Variants in UNC5C observed in about 807,000 individuals in gnomAD.
The protein encoded by UNC5C is unc-5 netrin receptor C.
Under a neutral mutation model 99.8 loss-of-function variants are expected in UNC5C, and 47 were observed. The observed-to-expected ratio is 0.47, with a 90% CI of 0.37 to 0.60. The LOEUF (loss-of-function observed/expected upper bound fraction) is 0.60. Ranked by LOEUF, UNC5C falls within the 20% of genes least tolerant of loss-of-function variation. The pLI is 0.00. For synonymous variants in UNC5C, 487 were observed against 452.2 expected (o/e 1.08, Z -0.98); for missense variants, 1,062 against 1,165.9 (o/e 0.91, Z 1.30).
chr4:95,236,789 T>A (rs937049189), intron 7 of UNC5C, among the ~76,000 whole-genome samples: 1 of 152,174 alleles, frequency 6.6e-6, no homozygotes, highest in Non-Finnish European at 1.5e-5. Flanking sequence ...TTAGCGGACA[T>A]CATAAATGAT....
intron 1 of UNC5C, among the ~76,000 whole-genome samples, chr4:95,486,854 C>A (rs923757689): frequency 6.6e-6 from 1 of 151,570 alleles, no homozygotes; most frequent in Non-Finnish European, 1.5e-5. Flanking sequence ...CACCAAAAAA[C>A]CATTTGCTGG....
chr4:95,269,365 T>G (rs1450548830), intron 4 of UNC5C, among the ~76,000 whole-genome samples: 1 of 152,150 alleles, frequency 6.6e-6, no homozygotes, highest in Admixed American at 6.6e-5. Context: ...GACGGCTCAC[T>G]GCAGCTGTGG....
At chr4:95,209,192 A>C (rs1368171923) in intron 10 of UNC5C, among the ~76,000 whole-genome samples, 1 of 152,202 alleles carries the variant, frequency 6.6e-6, no homozygotes, top group Non-Finnish European at 1.5e-5. Context: ...GGCTCACAAA[A>C]TTGGCACAAA....
rs1275203995 is a variant in UNC5C, at chr4:95,234,126, T to G, written c.1108+8303A>C. Among the ~76,000 whole-genome samples, 3 of 152,290 alleles carry G rather than the reference T, an allele frequency of 2.0e-5. No individual in the cohort carries two copies. The East Asian group carries it at 5.8e-4, about 29-fold the overall frequency. On this transcript the variant is annotated intron_variant, in intron 7 of 15. Transcript: ENST00000453304. ...CTGTTCTCTGTGTCTCTCTCTCTTG[T>G]CATAACCATTTAATGTAAAGCCTAT...
intron 1 of UNC5C, among the ~76,000 whole-genome samples, chr4:95,460,761 C>A (rs1383919378): frequency 6.6e-6 from 1 of 152,146 alleles, no homozygotes; most frequent in Non-Finnish European, 1.5e-5. Flanking sequence ...TGTTTATGAA[C>A]CTTAATTATG....
chr4:95,250,035 C>A (rs1032140804), intron 5 of UNC5C, among the ~76,000 whole-genome samples: 1 of 152,050 alleles, frequency 6.6e-6, no homozygotes, highest in Non-Finnish European at 1.5e-5. Flanking sequence ...CTTGGTGGTG[C>A]AGGTTCTGGA....
intron 2 of UNC5C, among the ~76,000 whole-genome samples, chr4:95,312,209 C>T (rs1283284533): frequency 6.6e-6 from 1 of 152,130 alleles, no homozygotes; most frequent in African/African-American, 2.4e-5. Flanking sequence ...ATGATAGTTT[C>T]TTAGGTGGCC....
intron 1 of UNC5C, among the ~76,000 whole-genome samples, chr4:95,479,899 G>T (rs1721083803): frequency 6.6e-6 from 1 of 151,798 alleles, no homozygotes; most frequent in Admixed American, 6.6e-5. Flanking sequence ...CATAGAGAAC[G>T]GGCCTCATCT....
At chr4:95,221,348 G>A (rs1280288453) in intron 7 of UNC5C, among the ~76,000 whole-genome samples, 2 of 152,164 alleles carry the variant, frequency 1.3e-5, no homozygotes, top group East Asian at 1.9e-4. Context: ...TTTTCAGGGA[G>A]AGAGAACTTT....
chr4:95,202,711 G>C lies in UNC5C; in HGVS notation c.2136+20C>G, dbSNP rs763905397. The C allele has an allele frequency of 6.2e-7, 1 of 1,610,618 alleles. No homozygotes were observed. The highest frequency in any genetic ancestry group is 1.7e-5 in the Admixed American group (1 of 59,720). ...TTCCAGGTGGAGGTGAAGAGGGCAG[G>C]CTAGGTGGGAGGCACTTACCTTCAG... is the stretch of plus-strand genomic sequence containing the variant. On this transcript the variant is annotated intron_variant, in intron 12 of 15. Transcript: ENST00000453304.
Position 95,390,391 on chromosome 4 carries a change from C to CAAAA in UNC5C, c.125-54764_125-54761dup, listed in dbSNP as rs35804362. On this transcript the variant is annotated intron_variant, in intron 1 of 15. Coordinates refer to ENST00000453304, the MANE Select transcript of UNC5C (RefSeq NM_003728.4). ...TTTTCATTCTTGGCTTCCACATTTC[C>CAAAA]AAAAAAAAAAAGACACAACAATACA... is the stretch of plus-strand genomic sequence containing the variant. Among the ~76,000 whole-genome samples the CAAAA allele has an allele frequency of 3.8e-3, 561 of 147,280 alleles. 7 individuals are homozygous for CAAAA. Among genetic ancestry groups the CAAAA allele is most frequent in the East Asian group, 0.036 (181 of 5,066 alleles).
At chr4:95,206,864 C>T in intron 10 of UNC5C, 68 bp from the exon 11 acceptor site, 37 of 1,223,214 alleles carry the variant, frequency 3.0e-5, no homozygotes, top group South Asian at 1.4e-4. Context: ...CACTTGGGTT[C>T]TGAAGGCAAA....
At chr4:95,366,310 A>G (rs1022598144) in intron 1 of UNC5C, among the ~76,000 whole-genome samples, 1 of 152,184 alleles carries the variant, frequency 6.6e-6, no homozygotes, top group African/African-American at 2.4e-5. Flanking sequence ...AAAATAAAAT[A>G]AAGTAAATAA....
chr4:95,483,353 TCTC>T (rs945119127), intron 1 of UNC5C, among the ~76,000 whole-genome samples: 1 of 151,776 alleles, frequency 6.6e-6, no homozygotes, highest in African/African-American at 2.4e-5. Flanking sequence ...TTTAACTCTT[TCTC>T]TTTATTTTGT....
At chr4:95,434,825 A>T (rs1388061659) in intron 1 of UNC5C, among the ~76,000 whole-genome samples, 1 of 152,004 alleles carries the variant, frequency 6.6e-6, no homozygotes, top group Non-Finnish European at 1.5e-5. Flanking sequence ...TGTACACTGG[A>T]GTCTAGCTCC....
intron 4 of UNC5C, among the ~76,000 whole-genome samples, chr4:95,269,394 G>A (rs932073837): frequency 1.3e-5 from 2 of 152,120 alleles, no homozygotes; most frequent in East Asian, 1.9e-4. Flanking sequence ...TCCCAGGCTC[G>A]AGTGATCCTG....
At chr4:95,254,044 A>G (rs1325881794) in intron 4 of UNC5C, among the ~76,000 whole-genome samples, 1 of 152,164 alleles carries the variant, frequency 6.6e-6, no homozygotes, top group African/African-American at 2.4e-5. Flanking sequence ...CCCAAATCCA[A>G]TGTGCCACTG....
At chr4:95,254,170 CTT>C (rs761210533) in intron 4 of UNC5C, among the ~76,000 whole-genome samples, 115 of 152,198 alleles carry the variant, frequency 7.6e-4, no homozygotes, top group Non-Finnish European at 1.4e-3. Context: ...AATTTTGACT[CTT>C]TTTTTGTTTG....
chr4:95,484,990 C>A (rs538434100), intron 1 of UNC5C, among the ~76,000 whole-genome samples: 1 of 151,954 alleles, frequency 6.6e-6, no homozygotes, highest in South Asian at 2.1e-4. Context: ...CAAATATAAT[C>A]TATCCAAGCA....
Sources: allele counts gnomAD v4.1 joint callset (sites outside exome capture counted in the v4.1 genomes callset), GRCh38; gene constraint gnomAD v4.1.1; transcripts MANE v1.5; gene names NCBI Gene and HGNC (gene_info 2026-07-23, HGNC 2026-07-21).